Variants in ARHGAP8 observed in about 807,000 individuals in gnomAD.
ARHGAP8 encodes the protein Rho GTPase activating protein 8, also known as rho GTPase-activating protein 8.
Under a neutral mutation model 46.1 loss-of-function variants are expected in ARHGAP8, and 62 were observed. The observed-to-expected ratio is 1.34, with a 90% CI of 1.10 to 1.66. The LOEUF (loss-of-function observed/expected upper bound fraction) is 1.66. ARHGAP8 is among the 40% of genes most tolerant of loss of function. The pLI, the probability that ARHGAP8 is intolerant of heterozygous loss-of-function variation, is 0.00. For missense variants in ARHGAP8, 923 were observed against 568.4 expected, an observed-to-expected ratio of 1.62 and a Z score of -6.34; for synonymous variants, 375 against 243.1, an observed-to-expected ratio of 1.54 and a Z score of -5.05.
At chr22:44,792,684 A>G (rs987880657) in intron 2 of ARHGAP8, among the ~76,000 whole-genome samples, 6 of 152,184 alleles carry the variant, frequency 3.9e-5, no homozygotes, top group African/African-American at 1.2e-4. Flanking sequence ...CTGGAACCAC[A>G]GCCAGAAACC....
intron 1 of ARHGAP8, among the ~76,000 whole-genome samples, chr22:44,783,186 C>A (rs1926972530): frequency 6.6e-6 from 1 of 152,044 alleles, no homozygotes; most frequent in South Asian, 2.1e-4. Flanking sequence ...GCATGAAGCC[C>A]AAGTCCTCCC....
rs114373203 is a variant in ARHGAP8 at position 44,844,613 on chromosome 22, C to T, written c.597-656C>T. 2.2e-3 allele frequency among the ~76,000 whole-genome samples: 332 copies of T among 152,098 alleles called. 2 individuals are homozygous for T. The highest frequency in any genetic ancestry group is 3.7e-3 in the Non-Finnish European group (249 of 67,996). ...GAGTAGCTGAGATTACAGGTGTACA[C>T]GATCACATCCAGCTAATTTTTGTAT... On this transcript the variant is annotated intron_variant, in intron 7 of 11. Coordinates refer to ENST00000356099, the MANE Select transcript of ARHGAP8 (RefSeq NM_181335.3).
At position 44,837,178 on chromosome 22, in the gene ARHGAP8, C is replaced by T. The variant is rs151288736; in HGVS notation, c.597-8091C>T. 1.1e-4 allele frequency among the ~76,000 whole-genome samples: 17 copies of T among 152,366 alleles called. No homozygotes were observed. In the Middle Eastern group the frequency reaches 0.017, roughly 152 times the overall value. On this transcript the variant is annotated intron_variant, in intron 7 of 11. Transcript: ENST00000356099. ...GGGATTACAGGCGTGAGCCACTGCACCCAGCCCCTACTGTTTTTAATTAGT... is the reference window on the plus strand; with the variant it reads ...GGGATTACAGGCGTGAGCCACTGCATCCAGCCCCTACTGTTTTTAATTAGT...
chr22:44,859,541 G>A (rs2070360588), intron 10 of ARHGAP8, 190 bp from the exon 11 acceptor site: 2 of 613,566 alleles, frequency 3.3e-6, no homozygotes, highest in African/African-American at 1.9e-5. Context: ...ATCTCAGCAA[G>A]AATAGCCAAA....
At chr22:44,781,739 G>A (rs1329756760) in intron 1 of ARHGAP8, among the ~76,000 whole-genome samples, 1 of 152,154 alleles carries the variant, frequency 6.6e-6, no homozygotes, top group African/African-American at 2.4e-5. Flanking sequence ...TAGCCAGGCT[G>A]GTCTTGAACT....
Position 44,859,830 on chromosome 22 carries a change from A to G in ARHGAP8, c.977A>G (p.His326Arg), listed in dbSNP as rs776666075. 1.2e-6 allele frequency: 2 copies of G among 1,613,614 alleles called. No homozygotes were observed. The highest frequency in any genetic ancestry group is 2.2e-5 in the South Asian group (2 of 91,072). The change falls in exon 11 of 12, where the codon CAT (histidine) becomes CGT (arginine). Residue 326 changes from histidine (H) to arginine (R), a missense_variant. By Grantham distance (29) the His-to-Arg change is conservative (BLOSUM62 0). Coordinates refer to ENST00000356099, the MANE Select transcript of ARHGAP8 (RefSeq NM_181335.3). ...VVLRYLMGFL[H>R]AVSRESIFNK... ...CTCCGCTACCTCATGGGCTTCCTGC[A>G]TGCGGTGAGTGGGGAAGGGGGGAGC...
At chr22:44,782,628 T>A (rs1926925965) in intron 1 of ARHGAP8, among the ~76,000 whole-genome samples, 1 of 152,188 alleles carries the variant, frequency 6.6e-6, no homozygotes, top group African/African-American at 2.4e-5. Context: ...TTTCACTGAA[T>A]AGAGCGGTTT....
intron 7 of ARHGAP8, among the ~76,000 whole-genome samples, chr22:44,835,685 A>G (rs1185280982): frequency 6.6e-6 from 1 of 152,078 alleles, no homozygotes; most frequent in Non-Finnish European, 1.5e-5. Flanking sequence ...GTTGTCTTCC[A>G]CCCCGTGCTA....
intron 3 of ARHGAP8, among the ~76,000 whole-genome samples, chr22:44,802,793 A>G (rs539640686): frequency 6.6e-6 from 1 of 152,218 alleles, no homozygotes; most frequent in South Asian, 2.1e-4. Context: ...CGGTCTTCAC[A>G]TGGCCTTTTT....
At chr22:44,752,961 T>G (rs1309719372) in intron 1 of ARHGAP8, among the ~76,000 whole-genome samples, 2 of 151,814 alleles carry the variant, frequency 1.3e-5, no homozygotes, top group Non-Finnish European at 2.9e-5. Context: ...TGCGTTTTGG[T>G]CTGGTCTGGC....
At chr22:44,824,476 T>C (rs773501439) in intron 6 of ARHGAP8, among the ~76,000 whole-genome samples, 3 of 152,160 alleles carry the variant, frequency 2.0e-5, no homozygotes, top group Non-Finnish European at 2.9e-5. Context: ...ACTCCCGAGC[T>C]GCCAACTAAT....
At chr22:44,802,630 G>A (rs5766041) in intron 3 of ARHGAP8, among the ~76,000 whole-genome samples, 1 of 152,218 alleles carries the variant, frequency 6.6e-6, no homozygotes, top group Non-Finnish European at 1.5e-5. Context: ...AATGCTCTGA[G>A]TGGATCCTCC....
chr22:44,847,047 G>A (rs1175286822), intron 8 of ARHGAP8, among the ~76,000 whole-genome samples: 1 of 152,192 alleles, frequency 6.6e-6, no homozygotes, highest in Non-Finnish European at 1.5e-5. Context: ...GAGGAAGTTG[G>A]GAGGAGAAGG....
chr22:44,782,912 C>T (rs992200616), intron 1 of ARHGAP8, among the ~76,000 whole-genome samples: 10 of 152,190 alleles, frequency 6.6e-5, no homozygotes, highest in African/African-American at 9.6e-5. Flanking sequence ...CCACGGCACG[C>T]TTTAGCACTG....
intron 2 of ARHGAP8, among the ~76,000 whole-genome samples, chr22:44,788,068 T>G (rs1269489623): frequency 2.0e-5 from 3 of 149,616 alleles, no homozygotes; most frequent in Non-Finnish European, 4.4e-5. Context: ...TATTTTTAAT[T>G]TATATAGTGT....
chr22:44,801,798 G>T (rs1928573043), intron 2 of ARHGAP8: 1 of 484,316 alleles, frequency 2.1e-6, no homozygotes, highest in Non-Finnish European at 3.7e-6. Flanking sequence ...CTGCCAGCTG[G>T]CTCTGCACTG....
chr22:44,824,031 G>A (rs1328844297), intron 6 of ARHGAP8, among the ~76,000 whole-genome samples: 1 of 152,148 alleles, frequency 6.6e-6, no homozygotes, highest in East Asian at 1.9e-4. Flanking sequence ...TAAATGAGCA[G>A]CTTCTAGACT....
chr22:44,786,851 CAA>C (rs959134778), intron 2 of ARHGAP8, among the ~76,000 whole-genome samples: 6 of 151,446 alleles, frequency 4.0e-5, no homozygotes, highest in Middle Eastern at 3.5e-3. Context: ...CCCATCTCTA[CAA>C]AAAAAATACA....
At chr22:44,787,919 CTTTTTT>C (rs1194920444) in intron 2 of ARHGAP8, among the ~76,000 whole-genome samples, 2 of 89,088 alleles carry the variant, frequency 2.2e-5, no homozygotes, top group Non-Finnish European at 4.8e-5. Context: ...CCCAAATGTC[CTTTTTT>C]TTTTTTTTTT....
Sources: allele counts gnomAD v4.1 joint callset (sites outside exome capture counted in the v4.1 genomes callset), GRCh38; gene constraint gnomAD v4.1.1; transcripts MANE v1.5; gene names NCBI Gene and HGNC (gene_info 2026-07-23, HGNC 2026-07-21).